Variants in PTK2 observed in about 807,000 individuals in gnomAD.
The protein encoded by PTK2 is focal adhesion kinase 1.
Under a neutral mutation model 150.1 loss-of-function variants are expected in PTK2, and 45 were observed. The observed-to-expected ratio is 0.30, with a 90% CI of 0.24 to 0.38. The LOEUF is 0.38. Among genes scored for constraint, PTK2 ranks in the 10% least tolerant of loss-of-function variants. PTK2 has a pLI of 1.00. For synonymous variants in PTK2, 432 were observed against 449.2 expected (o/e 0.96, Z 0.48); for missense variants, 919 against 1,307.3 (o/e 0.70, Z 4.58).
Position 140,926,035 on chromosome 8 carries a change from C to A in PTK2, c.-121-286G>T, listed in dbSNP as rs573318100. 6.6e-5 allele frequency among the ~76,000 whole-genome samples: 10 copies of A among 152,218 alleles called. No individual in the cohort carries two copies. The South Asian group carries it at 2.1e-3, about 32-fold the overall frequency. ...GTAGATACTGTTATCCCCATTTTACCAATGAAGAAATCGAAGCACAGAGAG... is the reference window on the plus strand; with the variant it reads ...GTAGATACTGTTATCCCCATTTTACAAATGAAGAAATCGAAGCACAGAGAG... On this transcript the variant is annotated intron_variant, in intron 1 of 31. Transcript: ENST00000522684.
chr8:140,818,140 C>A, intron 10 of PTK2, 137 bp downstream of exon 10: 1 of 730,256 alleles, frequency 1.4e-6, no homozygotes, highest in Non-Finnish European at 2.3e-6. Context: ...ACTTGTCCCC[C>A]ACTCCACTGA....
intron 4 of PTK2, among the ~76,000 whole-genome samples, chr8:140,871,670 T>C (rs1274876811): frequency 1.3e-5 from 2 of 152,174 alleles, no homozygotes; most frequent in African/African-American, 4.8e-5. Flanking sequence ...CGTGATGGCA[T>C]GCGCCTATGA....
At chr8:140,823,715 C>T (rs779647551) in intron 8 of PTK2, among the ~76,000 whole-genome samples, 3 of 152,202 alleles carry the variant, frequency 2.0e-5, no homozygotes, top group Non-Finnish European at 2.9e-5. Flanking sequence ...TAGTTCACTA[C>T]TTACACAGCT....
chr8:140,878,514 C>T (rs1304354455), intron 4 of PTK2, among the ~76,000 whole-genome samples: 1 of 152,026 alleles, frequency 6.6e-6, no homozygotes, highest in Non-Finnish European at 1.5e-5. Context: ...GTGGGAGAAT[C>T]GCTTGAGCCC....
At chr8:140,724,202 T>C (rs1365442288) in intron 22 of PTK2, among the ~76,000 whole-genome samples, 1 of 152,252 alleles carries the variant, frequency 6.6e-6, no homozygotes, top group Non-Finnish European at 1.5e-5. Context: ...GAACCTGTTT[T>C]GTCATTTACA....
intron 10 of PTK2, among the ~76,000 whole-genome samples, chr8:140,809,701 G>A: frequency 6.6e-6 from 1 of 152,168 alleles, no homozygotes; most frequent in East Asian, 1.9e-4. Flanking sequence ...AGCTACTTGG[G>A]AGACTGAGGC....
At chr8:140,663,508 C>T (rs150753518) in intron 31 of PTK2, among the ~76,000 whole-genome samples, 199 of 152,238 alleles carry the variant, frequency 1.3e-3, no homozygotes, top group African/African-American at 4.5e-3. Flanking sequence ...ATCCCACATG[C>T]GTTTGTCAAT....
At chr8:140,706,050 T>C in intron 24 of PTK2, 69 bp downstream of exon 27, 2 of 1,265,272 alleles carry the variant, frequency 1.6e-6, no homozygotes, top group Non-Finnish European at 1.1e-6. Flanking sequence ...ATATGCACAA[T>C]GTACCGCTCT....
intron 31 of PTK2, among the ~76,000 whole-genome samples, chr8:140,664,480 T>C (rs7017660): frequency 6.6e-6 from 1 of 152,140 alleles, no homozygotes; most frequent in South Asian, 2.1e-4. Flanking sequence ...CCAGGATCAT[T>C]TGCAAGCTCA....
chr8:140,860,116 A>G (rs1485696385), intron 5 of PTK2, among the ~76,000 whole-genome samples: 1 of 152,216 alleles, frequency 6.6e-6, no homozygotes, highest in African/African-American at 2.4e-5. Flanking sequence ...TAATGCTGTT[A>G]ATACCTTCCA....
chr8:140,827,313 G>A (rs528627212), intron 8 of PTK2, among the ~76,000 whole-genome samples: 1 of 151,822 alleles, frequency 6.6e-6, no homozygotes, highest in Non-Finnish European at 1.5e-5. Context: ...GAGAGGGCTC[G>A]CTGTTTCTAG....
rs544155264 is a variant in PTK2 at position 140,754,198 on chromosome 8, T to A, written c.1333-1882A>T. On this transcript the variant is annotated intron_variant, in intron 16 of 31. Coordinates refer to ENST00000522684, the Ensembl canonical transcript of PTK2. ...TGTGCCAGATGCCTCAAGGAAGGGG[T>A]TCAGGTGGTAATGGTGACGTGGTCC... is the stretch of plus-strand genomic sequence containing the variant. Among the ~76,000 whole-genome samples the A allele has an allele frequency of 1.4e-4, 22 of 152,162 alleles. No homozygotes were observed. In the South Asian group the frequency reaches 4.4e-3, roughly 30 times the overall value.
chr8:140,903,037 G>A (rs888673640), intron 2 of PTK2, among the ~76,000 whole-genome samples: 1 of 136,976 alleles, frequency 7.3e-6, no homozygotes, highest in African/African-American at 2.7e-5. Context: ...TGTTGTTTTA[G>A]TCATGAAGTC....
intron 14 of PTK2, among the ~76,000 whole-genome samples, chr8:140,784,579 A>G (rs1445885482): frequency 1.3e-5 from 2 of 152,098 alleles, no homozygotes; most frequent in East Asian, 3.9e-4. Flanking sequence ...TTGGTTAAGC[A>G]CTCCCTCCCC....
chr8:140,810,792 C>T (rs1418927553), intron 10 of PTK2, among the ~76,000 whole-genome samples: 1 of 152,130 alleles, frequency 6.6e-6, no homozygotes, highest in Non-Finnish European at 1.5e-5. Flanking sequence ...CAACATTATC[C>T]CAAGAGTGAA....
exon 12 of PTK2, chr8:140,800,562 C>T (rs374532215): frequency 1.9e-6 from 3 of 1,613,370 alleles, no homozygotes; most frequent in East Asian, 2.2e-5. Context: ...GGGATGGTGC[C>T]GTCACTGTCA....
chr8:140,674,110 A>G, intron 29 of PTK2, 188 bp downstream of exon 32: 1 of 749,542 alleles, frequency 1.3e-6, no homozygotes, highest in Non-Finnish European at 2.4e-6. Flanking sequence ...GTTTGCATAA[A>G]GCTTTTCCCT....
chr8:140,906,653 AGGCT>A (rs1480468273), intron 2 of PTK2, among the ~76,000 whole-genome samples: 1 of 152,204 alleles, frequency 6.6e-6, no homozygotes, highest in Non-Finnish European at 1.5e-5. Flanking sequence ...TGGTTACCAG[AGGCT>A]GGGAAGGGAA....
intron 4 of PTK2, among the ~76,000 whole-genome samples, chr8:140,869,448 T>C (rs913495482): frequency 6.6e-6 from 1 of 152,184 alleles, no homozygotes; most frequent in Non-Finnish European, 1.5e-5. Context: ...GAATCAGTAG[T>C]GTGTTCTGCT....
Sources: allele counts gnomAD v4.1 joint callset (sites outside exome capture counted in the v4.1 genomes callset), GRCh38; gene constraint gnomAD v4.1.1; transcripts MANE v1.5; gene names NCBI Gene and HGNC (gene_info 2026-07-23, HGNC 2026-07-21).